DISC1: variants seen among roughly 807,000 people sequenced by gnomAD.
DISC1 encodes disrupted in schizophrenia 1 protein.
A neutral mutation model predicts 84.5 loss-of-function variants in DISC1; 57 were observed. That is an observed-to-expected ratio of 0.67 (90% CI 0.55 to 0.84). The LOEUF (loss-of-function observed/expected upper bound fraction) is 0.84. DISC1 is among the 40% of genes least tolerant of loss of function. The probability of loss-of-function intolerance (pLI) is 0.00; values close to 1 mark genes in which losing one functional copy is unlikely to be tolerated. For missense variants in DISC1, 1,000 were observed against 1,057.8 expected (o/e 0.95, Z 0.76); for synonymous variants, 411 against 415.2 (o/e 0.99, Z 0.12).
rs562529062 is a variant in DISC1 at position 231,720,825 on chromosome 1, A to G, written c.1117+18801A>G. 1.1e-4 allele frequency: 145 copies of G among 1,289,972 alleles called. No individual in the cohort carries two copies. In the South Asian group the frequency reaches 1.6e-3, roughly 14 times the overall value. The allele number at this position is 1,289,972 out of a possible 1,614,324, so 79.9% of individuals were successfully genotyped here. ...AGTGGTTCTGAGCAGCAGGTAGGAAACGTGTTGTCGTTTCGTTTACAGGTT... is the reference window on the plus strand; with the variant it reads ...AGTGGTTCTGAGCAGCAGGTAGGAAGCGTGTTGTCGTTTCGTTTACAGGTT... On this transcript the variant is annotated intron_variant, in intron 3 of 12. Coordinates refer to ENST00000439617, the MANE Select transcript of DISC1 (RefSeq NM_018662.3).
At chr1:231,696,275 G>A (rs1209239571) in intron 2 of DISC1, among the ~76,000 whole-genome samples, 1 of 152,186 alleles carries the variant, frequency 6.6e-6, no homozygotes, top group Non-Finnish European at 1.5e-5. Context: ...CCTTCCTGCG[G>A]TGTTTCTCTT....
At position 232,031,796 on chromosome 1, in the gene DISC1, A is replaced by G. The variant is rs1047986846; in HGVS notation, c.2426-4896A>G. Among the ~76,000 whole-genome samples, 4 of 152,136 alleles carry G rather than the reference A, an allele frequency of 2.6e-5. No homozygotes were observed. Among genetic ancestry groups the G allele is most frequent in the Non-Finnish European group, 5.9e-5 (4 of 68,024 alleles). ...TACAAGCATCAAATCCTTTGAATCA[A>G]TCTTGGGTATAGTCAAGGTTTTCCT... is the stretch of plus-strand genomic sequence containing the variant. On this transcript the variant is annotated intron_variant, in intron 12 of 12. Coordinates refer to ENST00000439617, the MANE Select transcript of DISC1 (RefSeq NM_018662.3). This position sits in a 1 kb window ranked among gnomAD's most constrained non-coding sequence, Gnocchi z 4.6.
chr1:231,891,537 A>G (rs2087217325), intron 9 of DISC1, among the ~76,000 whole-genome samples: 1 of 152,194 alleles, frequency 6.6e-6, no homozygotes, highest in Admixed American at 6.5e-5. Flanking sequence ...ATGCTGAGAG[A>G]GAGCAAGCCC....
intron 9 of DISC1, among the ~76,000 whole-genome samples, chr1:231,898,837 G>T (rs1216195158): frequency 1.3e-5 from 2 of 152,116 alleles, no homozygotes; most frequent in Non-Finnish European, 2.9e-5. Flanking sequence ...GGAGGCTGAG[G>T]TATGAGAATC....
chr1:232,031,515 G>GA lies in DISC1; in HGVS notation c.2425+4966dup, dbSNP rs1558854881. Among the ~76,000 whole-genome samples, 4 of 150,936 alleles carry GA rather than the reference G, an allele frequency of 2.7e-5. No individual in the cohort carries two copies. Among genetic ancestry groups the GA allele is most frequent in the Non-Finnish European group, 5.9e-5 (4 of 67,688 alleles). ...AAGAAAGAAAGGAAAGGAAAGGAAA[G>GA]AAAGAAAAGGAAAGGAAAGAAAGAA... On this transcript the variant is annotated intron_variant, in intron 12 of 12. Transcript: ENST00000439617. The surrounding 1 kb of genome is among the most constrained non-coding windows in gnomAD (Gnocchi z 4.6).
intron 6 of DISC1, chr1:231,771,596 T>C (rs1386931760): frequency 2.0e-6 from 2 of 985,300 alleles, no homozygotes; most frequent in African/African-American, 3.5e-5. Flanking sequence ...ACTTCGGTTG[T>C]TGTATTCATT....
At chr1:231,959,284 G>T (rs1056688942) in intron 10 of DISC1, 24 of 986,944 alleles carry the variant, frequency 2.4e-5, no homozygotes, top group Non-Finnish European at 2.9e-5. Context: ...AGAAATGCAC[G>T]TCTTAGGTTC....
intron 10 of DISC1, among the ~76,000 whole-genome samples, chr1:231,974,167 G>A (rs1248367568): frequency 6.6e-6 from 1 of 152,170 alleles, no homozygotes; most frequent in Non-Finnish European, 1.5e-5. Flanking sequence ...ACTAGAATGG[G>A]GAGGGCAGCA....
At chr1:231,716,472 ATC>A (rs2068741854) in intron 3 of DISC1, among the ~76,000 whole-genome samples, 1 of 152,142 alleles carries the variant, frequency 6.6e-6, no homozygotes, top group Non-Finnish European at 1.5e-5. Context: ...ATGACCTAGA[ATC>A]TCTCGTTTTC....
chr1:231,985,433 A>C (rs952876135), intron 10 of DISC1, among the ~76,000 whole-genome samples: 1 of 151,934 alleles, frequency 6.6e-6, no homozygotes, highest in Non-Finnish European at 1.5e-5. Flanking sequence ...TTTCACCATT[A>C]CTGGCACATG....
In DISC1 at chr1:231,845,710, A is replaced by G. The variant is rs553108060; in HGVS notation, c.1981+27193A>G. ...AAGGTGAGTGAAGTGATGGATGGCT[A>G]TGTCTACACTGGAGGCTGGTAAAGG... On this transcript the variant is annotated intron_variant, in intron 9 of 12. Coordinates refer to ENST00000439617, the MANE Select transcript of DISC1 (RefSeq NM_018662.3). 6.6e-5 allele frequency among the ~76,000 whole-genome samples: 10 copies of G among 152,050 alleles called. No homozygotes were observed. The South Asian group carries it at 1.9e-3, about 29-fold the overall frequency.
At chr1:232,002,736 C>T (rs1666872624) in intron 10 of DISC1, among the ~76,000 whole-genome samples, 1 of 152,036 alleles carries the variant, frequency 6.6e-6, no homozygotes, top group African/African-American at 2.4e-5. Context: ...TTAGTGGTCT[C>T]CAGGGACTAG....
chr1:231,747,935 G>C (rs1445688828), intron 3 of DISC1, among the ~76,000 whole-genome samples: 1 of 151,942 alleles, frequency 6.6e-6, no homozygotes, highest in Non-Finnish European at 1.5e-5. Flanking sequence ...AGTTTCCCTT[G>C]CAGAGATCTT....
At chr1:231,887,579 A>T (rs2086859789) in intron 9 of DISC1, among the ~76,000 whole-genome samples, 1 of 152,196 alleles carries the variant, frequency 6.6e-6, no homozygotes. Context: ...CAAACTTGTG[A>T]GTTATACCAT....
chr1:231,962,488 C>G (rs1660519508), intron 10 of DISC1, among the ~76,000 whole-genome samples: 1 of 152,008 alleles, frequency 6.6e-6, no homozygotes, highest in Non-Finnish European at 1.5e-5. Flanking sequence ...CCTGAATATC[C>G]AAAACAATCC....
At chr1:231,697,659 A>C (rs2065894125) in intron 2 of DISC1, among the ~76,000 whole-genome samples, 1 of 138,256 alleles carries the variant, frequency 7.2e-6, no homozygotes. Context: ...CACGTTGCCC[A>C]AACTGGTCTT....
intron 6 of DISC1, among the ~76,000 whole-genome samples, chr1:231,784,403 G>A (rs935033143): frequency 6.6e-6 from 1 of 152,178 alleles, no homozygotes; most frequent in Non-Finnish European, 1.5e-5. Flanking sequence ...AGAGAAATAG[G>A]GAGAATGTGA....
At chr1:231,764,644 C>T (rs374472795) in intron 4 of DISC1, among the ~76,000 whole-genome samples, 23 of 152,112 alleles carry the variant, frequency 1.5e-4, no homozygotes, top group African/African-American at 3.9e-4. Context: ...TGCTGGAGCA[C>T]GATTAGAGTA....
intron 10 of DISC1, among the ~76,000 whole-genome samples, chr1:231,962,290 G>T (rs1474107158): frequency 6.6e-6 from 1 of 152,096 alleles, no homozygotes; most frequent in Non-Finnish European, 1.5e-5. Context: ...ACCTTTGTTA[G>T]ATGCATAGTT....
Sources: gnomAD v4.1 joint callset for allele counts (sites outside exome capture counted in the v4.1 genomes callset) on GRCh38, gnomAD v4.1.1 for gene constraint, Gnocchi (gnomAD v3.1) non-coding constraint, MANE v1.5 for transcripts, NCBI Gene and HGNC (gene_info 2026-07-23, HGNC 2026-07-21) for gene names.